PZP: variants seen among roughly 807,000 people sequenced by gnomAD.
PZP encodes the protein pregnancy zone protein.
Under a neutral mutation model 179.8 loss-of-function variants are expected in PZP, and 150 were observed. The observed-to-expected ratio is 0.83, with a 90% CI of 0.73 to 0.96. The LOEUF (loss-of-function observed/expected upper bound fraction) is 0.96, where lower values mean the gene tolerates loss of function less well. Ranked by LOEUF, PZP falls within the 40% of genes least tolerant of loss-of-function variation. The pLI is 0.00. For missense variants in PZP, 1,689 were observed against 1,764.0 expected (o/e 0.96, Z 0.76); for synonymous variants, 624 against 652.3 (o/e 0.96, Z 0.66).
In PZP at chr12:9,164,874, C is replaced by T. The variant is rs1259113942; in HGVS notation, c.2487+265G>A. On this transcript the variant is annotated intron_variant, in intron 19 of 35. Transcript: ENST00000261336. The stretch of plus-strand genomic sequence containing the variant: ...CTTCAAGAATGTTCCTGGCATATAA[C>T]CTAACTTGCAGCAAAGAATTCTGCA... 2.0e-5 allele frequency among the ~76,000 whole-genome samples: 3 copies of T among 152,148 alleles called. No individual in the cohort carries two copies. The East Asian group carries it at 5.8e-4, about 29-fold the overall frequency.
At chr12:9,172,728 G>A (rs924945915) in intron 15 of PZP, among the ~76,000 whole-genome samples, 1 of 152,100 alleles carries the variant, frequency 6.6e-6, no homozygotes, top group South Asian at 2.1e-4. Flanking sequence ...AACAAACAAA[G>A]AAGGGTAGTA....
chr12:9,156,999 A>T (rs1055439402), intron 28 of PZP, among the ~76,000 whole-genome samples, 176 bp downstream of exon 28: 1 of 151,998 alleles, frequency 6.6e-6, no homozygotes, highest in Non-Finnish European at 1.5e-5. Context: ...TAGGTGTGCC[A>T]TGGTGGTTTG....
chr12:9,202,753 T>C, intron 2 of PZP, 69 bp from the exon 3 acceptor site: 2 of 1,438,288 alleles, frequency 1.4e-6, no homozygotes, highest in Non-Finnish European at 1.9e-6. Flanking sequence ...CTTCAGTCAT[T>C]GCTATTTCCT....
chr12:9,176,548 C>T (rs1942375240), intron 15 of PZP, among the ~76,000 whole-genome samples: 1 of 152,128 alleles, frequency 6.6e-6, no homozygotes, highest in African/African-American at 2.4e-5. Context: ...TGAACTTATG[C>T]CATTATATTG....
rs184321483 is a variant in PZP, at chr12:9,162,948, C to T, written c.2737-300G>A. On this transcript the variant is annotated intron_variant, in intron 21 of 35. Coordinates refer to ENST00000261336, the MANE Select transcript of PZP (RefSeq NM_002864.3). ...CCCTTCTGTCACTCCCACTCTCAGA[C>T]AGGCCCCATATATGTTGCTCGCCTC... Among the ~76,000 whole-genome samples the T allele has an allele frequency of 2.2e-4, 33 of 152,296 alleles. No individual in the cohort carries two copies. In the East Asian group the frequency reaches 5.6e-3, roughly 26 times the overall value.
At chr12:9,200,505 A>G in intron 6 of PZP, 57 bp from the exon 7 acceptor site, 2 of 1,343,698 alleles carry the variant, frequency 1.5e-6, no homozygotes, top group Non-Finnish European at 1.1e-6. Context: ...TGGAAATACA[A>G]ATAATTTCAG....
intron 7 of PZP, among the ~76,000 whole-genome samples, chr12:9,198,473 A>G (rs7959534): frequency 0.26 from 40,015 of 152,126 alleles, 5,376 homozygotes; most frequent in East Asian, 0.4. Context: ...AATAAAAATA[A>G]GTACATAATA....
intron 13 of PZP, among the ~76,000 whole-genome samples, chr12:9,182,684 G>T (rs1050880207): frequency 6.6e-6 from 1 of 152,152 alleles, no homozygotes; most frequent in Non-Finnish European, 1.5e-5. Context: ...TAACACTTCA[G>T]AAAATACTTT....
At chr12:9,160,138 G>T in intron 24 of PZP, 113 bp from the exon 25 acceptor site, 2 of 1,182,108 alleles carry the variant, frequency 1.7e-6, no homozygotes, top group Non-Finnish European at 2.5e-6. Context: ...TCTGTGATCT[G>T]CCATAGTTTT....
At chr12:9,196,531 A>G in intron 9 of PZP, 40 bp downstream of exon 9, 1 of 1,575,878 alleles carries the variant, frequency 6.3e-7, no homozygotes, top group Non-Finnish European at 8.7e-7. Flanking sequence ...ATGGAAAGTA[A>G]ACTATTGTTT....
At position 9,154,707 on chromosome 12, in the gene PZP, G is replaced by A; in HGVS notation, c.3683C>T (p.Ala1228Val). 6.2e-7 allele frequency: 1 copy of A among 1,614,134 alleles called. No individual in the cohort carries two copies. Among genetic ancestry groups the A allele is most frequent in the Non-Finnish European group, 8.5e-7 (1 of 1,180,038 alleles). ...VLLAYLTAQP[A>V]PTSGDLTSAT... ...AGAGGTCAGGTCCCCTGAGGTGGGG[G>A]CTGGCTGGGCCGTGAGATAAGCGAG... Residue 1228 changes from alanine to valine, a missense_variant, in exon 29 of 36, where the codon GCC (alanine) becomes GTC (valine). By Grantham distance (64) the Ala-to-Val change is moderately conservative. Coordinates refer to ENST00000261336, the MANE Select transcript of PZP (RefSeq NM_002864.3).
the PZP span, among the ~76,000 whole-genome samples, chr12:9,137,062 G>A: frequency 8.6e-5 from 13 of 152,018 alleles, no homozygotes; most frequent in South Asian, 4.1e-4. Context: ...TTTTGTTTTC[G>A]TTGTCTGTGA....
chr12:9,174,015 T>A (rs752186374), intron 15 of PZP, among the ~76,000 whole-genome samples: 13 of 151,456 alleles, frequency 8.6e-5, no homozygotes, highest in Non-Finnish European at 1.9e-4. Flanking sequence ...CCTGGCAGAG[T>A]CACAACAAAA....
chr12:9,169,305 A>G, intron 16 of PZP, 125 bp downstream of exon 16: 3 of 1,001,992 alleles, frequency 3.0e-6, no homozygotes, highest in South Asian at 2.0e-5. Context: ...TATTGGCTTC[A>G]TTTTTGTCTG....
chr12:9,192,098 G>A, intron 13 of PZP, 95 bp downstream of exon 13: 1 of 1,055,644 alleles, frequency 9.5e-7, no homozygotes. Flanking sequence ...ATTGTGAAGG[G>A]ATGATGGAAA....
intron 17 of PZP, chr12:9,168,611 T>C (rs755872015): frequency 5.8e-6 from 2 of 344,988 alleles, no homozygotes; most frequent in African/African-American, 4.2e-5. Flanking sequence ...TGTCAGCATT[T>C]TCCCTCTCTT....
At chr12:9,138,769 T>C in the PZP span, among the ~76,000 whole-genome samples, 1 of 152,106 alleles carries the variant, frequency 6.6e-6, no homozygotes, top group African/African-American at 2.4e-5. Context: ...GTTATTCGAT[T>C]AGTTGACATA....
chr12:9,147,938 A>T (rs189153757), downstream of PZP, among the ~76,000 whole-genome samples: 1 of 151,684 alleles, frequency 6.6e-6, no homozygotes, highest in African/African-American at 2.4e-5. Flanking sequence ...TTTCTCCCAC[A>T]CTACATTTAT....
chr12:9,162,591 T>A lies in PZP; in HGVS notation c.2788+6A>T. 1 of 1,572,400 alleles carries A rather than the reference T, an allele frequency of 6.4e-7. No individual in the cohort carries two copies. The highest frequency in any genetic ancestry group is 8.7e-7 in the Non-Finnish European group (1 of 1,143,018). Reference sequence around the variant, plus strand: ...TCTCACTATGATTATGAAGATGGACTCTTACCTGAGGCACAGGTCATAGAA... The same window carrying A: ...TCTCACTATGATTATGAAGATGGACACTTACCTGAGGCACAGGTCATAGAA... On this transcript the variant is annotated splice_donor_region_variant and intron_variant, in intron 22 of 35. Coordinates refer to ENST00000261336, the MANE Select transcript of PZP (RefSeq NM_002864.3).
Sources: allele counts gnomAD v4.1 joint callset (sites outside exome capture counted in the v4.1 genomes callset), GRCh38; gene constraint gnomAD v4.1.1; transcripts MANE v1.5; gene names NCBI Gene and HGNC (gene_info 2026-07-23, HGNC 2026-07-21).